The following GPC5 variants were observed in gnomAD, a reference collection of about 807,000 sequenced individuals.
GPC5 encodes the protein glypican-5.
In GPC5, 47 loss-of-function variants were observed where a neutral mutation model predicts 53.9. The ratio of observed to expected loss-of-function variants is 0.87; its 90% CI spans 0.69 to 1.11. The LOEUF is 1.11. Among genes scored for constraint, GPC5 ranks in the 50% most tolerant of loss-of-function variants. GPC5 has a pLI of 0.00. For missense variants in GPC5, 748 were observed against 713.1 expected (o/e 1.05, Z -0.56); for synonymous variants, 286 against 263.3 (o/e 1.09, Z -0.84).
chr13:92,124,385 G>T (rs2041677911), intron 6 of GPC5, among the ~76,000 whole-genome samples: 1 of 151,960 alleles, frequency 6.6e-6, no homozygotes, highest in Non-Finnish European at 1.5e-5. Context: ...GGACTCCATG[G>T]TAGAAACTGT....
chr13:92,762,499 T>C (rs549014590), intron 7 of GPC5, among the ~76,000 whole-genome samples: 1 of 152,202 alleles, frequency 6.6e-6, no homozygotes, highest in Non-Finnish European at 1.5e-5. Context: ...CTCTCACTGC[T>C]TTTAAAATTA....
intron 7 of GPC5, among the ~76,000 whole-genome samples, chr13:92,560,306 A>G (rs1160262905): frequency 1.3e-5 from 2 of 152,050 alleles, no homozygotes; most frequent in Non-Finnish European, 2.9e-5. Flanking sequence ...TGACAACGTC[A>G]CAGAACCTCA....
intron 7 of GPC5, among the ~76,000 whole-genome samples, chr13:92,326,615 A>G (rs544609730): frequency 4.6e-4 from 70 of 152,288 alleles, no homozygotes; most frequent in Admixed American, 1.0e-3. Flanking sequence ...AGGCACTTCA[A>G]TAGGATAACA....
At chr13:92,791,990 G>A (rs1876481642) in intron 7 of GPC5, among the ~76,000 whole-genome samples, 1 of 151,948 alleles carries the variant, frequency 6.6e-6, no homozygotes, top group African/African-American at 2.4e-5. Context: ...TATAATTTGT[G>A]CAAGTGTTTG....
In GPC5 at chr13:91,745,296, G is replaced by C. The variant is rs2037024184; in HGVS notation, c.1155-10999G>C. ...AGTGGTAATGTGTTGGGTTTGGAAG[G>C]TCTTTGAAAAGTGAGGAATAGAGGC... On this transcript the variant is annotated intron_variant, in intron 4 of 7. Coordinates refer to ENST00000377067, the MANE Select transcript of GPC5 (RefSeq NM_004466.6). Among the ~76,000 whole-genome samples, 6 of 152,032 alleles carry C rather than the reference G, an allele frequency of 3.9e-5. No individual in the cohort carries two copies. In the South Asian group the frequency reaches 1.2e-3, roughly 31 times the overall value.
intron 4 of GPC5, among the ~76,000 whole-genome samples, chr13:91,752,842 G>A (rs751858934): frequency 2.7e-4 from 41 of 152,294 alleles, no homozygotes; most frequent in Non-Finnish European, 2.4e-4. Flanking sequence ...CATCACATGA[G>A]TGCTGCTTTG....
intron 6 of GPC5, among the ~76,000 whole-genome samples, chr13:91,924,984 T>C (rs1219619981): frequency 6.6e-6 from 1 of 152,038 alleles, no homozygotes; most frequent in Non-Finnish European, 1.5e-5. Context: ...CACGCCCAGC[T>C]AATTTTTTGT....
chr13:91,693,704 C>T lies in GPC5; in HGVS notation c.843C>T (p.Cys281=). The change falls in exon 3 of 8, where the codon TGC becomes TGT. Residue 281 remains cysteine (C), a synonymous_variant. Coordinates refer to ENST00000377067, the MANE Select transcript of GPC5 (RefSeq NM_004466.6). Reference sequence around the variant, plus strand: ...ACTGCCTCAATGTCATGCGAGGCTGCCTGGCGCACATGGCGGAGCTTAATC... The same window carrying T: ...ACTGCCTCAATGTCATGCGAGGCTGTCTGGCGCACATGGCGGAGCTTAATC... ...MGYCLNVMRG[C]LAHMAELNPH... The T allele has an allele frequency of 6.2e-7, 1 of 1,614,182 alleles. No individual in the cohort carries two copies. Among genetic ancestry groups the T allele is most frequent in the Non-Finnish European group, 8.5e-7 (1 of 1,180,024 alleles).
intron 2 of GPC5, among the ~76,000 whole-genome samples, chr13:91,641,781 A>G (rs1216334012): frequency 6.6e-6 from 1 of 152,238 alleles, no homozygotes; most frequent in African/African-American, 2.4e-5. Flanking sequence ...GATTAAGAAC[A>G]TTGGATGCTT....
chr13:91,515,338 T>G (rs1885440671), intron 2 of GPC5, among the ~76,000 whole-genome samples: 1 of 152,072 alleles, frequency 6.6e-6, no homozygotes, highest in Non-Finnish European at 1.5e-5. Context: ...AAATGTACAT[T>G]TTTTTTGAAT....
chr13:91,728,674 T>A lies in GPC5; in HGVS notation c.1154+9T>A. On this transcript the variant is annotated intron_variant, in intron 4 of 7. Transcript: ENST00000377067. ...CTTGCCAACAGAAGAAAGTAAGACA[T>A]TTGTTTTACAACCAGAAAGAGAAAA... 1 of 1,605,674 alleles carries A rather than the reference T, an allele frequency of 6.2e-7. No homozygotes were observed. Among genetic ancestry groups the A allele is most frequent in the Non-Finnish European group, 8.5e-7 (1 of 1,176,330 alleles).
At chr13:91,492,770 A>G (rs1270447683) in intron 2 of GPC5, among the ~76,000 whole-genome samples, 2 of 152,012 alleles carry the variant, frequency 1.3e-5, no homozygotes, top group Non-Finnish European at 2.9e-5. Flanking sequence ...CATCCTTCCA[A>G]TGTGTTAACT....
At chr13:92,058,308 T>TA (rs1463030284) in intron 6 of GPC5, among the ~76,000 whole-genome samples, 3 of 152,162 alleles carry the variant, frequency 2.0e-5, no homozygotes, top group Non-Finnish European at 4.4e-5. Flanking sequence ...ATTAGAAGTG[T>TA]AAGCCACTGT....
At chr13:92,207,554 C>T (rs1331255791) in intron 7 of GPC5, among the ~76,000 whole-genome samples, 1 of 152,202 alleles carries the variant, frequency 6.6e-6, no homozygotes, top group African/African-American at 2.4e-5. Context: ...TCTCCTGATC[C>T]TCCAGAGGAA....
intron 5 of GPC5, among the ~76,000 whole-genome samples, chr13:91,781,374 T>C (rs1285380531): frequency 2.0e-5 from 3 of 152,206 alleles, no homozygotes; most frequent in African/African-American, 7.2e-5. Context: ...TGGGTGCTGT[T>C]GCATTTTATA....
chr13:91,938,741 T>G (rs1405349943), intron 6 of GPC5, among the ~76,000 whole-genome samples: 1 of 152,158 alleles, frequency 6.6e-6, no homozygotes, highest in East Asian at 1.9e-4. Context: ...GCCTCCTACT[T>G]ACATCACTGT....
intron 2 of GPC5, among the ~76,000 whole-genome samples, chr13:91,651,975 G>A (rs1284215178): frequency 6.6e-6 from 1 of 152,134 alleles, no homozygotes; most frequent in Non-Finnish European, 1.5e-5. Context: ...CTCCTACTCT[G>A]GAGTTCTGAG....
chr13:92,156,118 C>T (rs1453477187), intron 7 of GPC5, among the ~76,000 whole-genome samples: 1 of 152,072 alleles, frequency 6.6e-6, no homozygotes, highest in Non-Finnish European at 1.5e-5. Flanking sequence ...GGCTTGTTTT[C>T]TAAAATTTCT....
chr13:91,949,492 A>G (rs1424521161), intron 6 of GPC5, among the ~76,000 whole-genome samples: 2 of 152,214 alleles, frequency 1.3e-5, no homozygotes, highest in Non-Finnish European at 2.9e-5. Context: ...GATAAGTTTT[A>G]TGGTTCAGGA....
Sources: gnomAD v4.1 joint callset for allele counts (sites outside exome capture counted in the v4.1 genomes callset) on GRCh38, gnomAD v4.1.1 for gene constraint, MANE v1.5 for transcripts, NCBI Gene and HGNC (gene_info 2026-07-23, HGNC 2026-07-21) for gene names.